The following ADAMTS1 variants were observed in gnomAD, a reference collection of about 807,000 sequenced individuals.
ADAMTS1 encodes ADAM metallopeptidase with thrombospondin type 1 motif 1.
Under a neutral mutation model 87.9 loss-of-function variants are expected in ADAMTS1, and 19 were observed. That is an observed-to-expected ratio of 0.22 (90% CI 0.15 to 0.32). ADAMTS1 has a LOEUF of 0.32. Among genes scored for constraint, ADAMTS1 ranks in the 10% least tolerant of loss-of-function variants. The pLI is 1.00. For missense variants in ADAMTS1, 1,240 were observed against 1,259.1 expected, an observed-to-expected ratio of 0.98 and a Z score of 0.23; for synonymous variants, 542 against 501.8, an observed-to-expected ratio of 1.08 and a Z score of -1.07.
Position 26,838,548 on chromosome 21 carries a change from C to A in ADAMTS1, c.2095G>T (p.Ala699Ser), listed in dbSNP as rs752505139. The A allele has an allele frequency of 6.2e-7, 1 of 1,614,196 alleles. No individual in the cohort carries two copies. ...GAGTCTATGATGCGATCACAACCAG[C>A]TTTTACACACTGTCCTTGCACACAG... ...SVCVQGQCVK[A>S]GCDRIIDSKK... The change falls in exon 8 of 9, where the codon GCT (alanine) becomes TCT (serine). Residue 699 changes from alanine (A) to serine (S), a missense_variant. By Grantham distance (99) the Ala-to-Ser change is moderately conservative (BLOSUM62 1). Transcript: ENST00000284984.
At position 26,837,104 on chromosome 21, in the gene ADAMTS1, A is replaced by G. The variant is rs1985380300; in HGVS notation, c.*475T>C. On this transcript the variant is annotated 3_prime_UTR_variant, in exon 9 of 9. Coordinates refer to ENST00000284984, the MANE Select transcript of ADAMTS1 (RefSeq NM_006988.5). ...CAGCCATAAACAGTGCTGGTCAAAGATCCTATTTGTACTCCTTTCTCCCCC... is the reference window on the plus strand; with the variant it reads ...CAGCCATAAACAGTGCTGGTCAAAGGTCCTATTTGTACTCCTTTCTCCCCC... 1 of 160,682 alleles carries G rather than the reference A, an allele frequency of 6.2e-6. No homozygotes were observed. The highest frequency in any genetic ancestry group is 1.7e-4 in the East Asian group (1 of 5,738). 10.0% of individuals were successfully genotyped at this position (160,682 alleles called of 1,614,324 possible).
intron 4 of ADAMTS1, 140 bp downstream of exon 4, chr21:26,840,858 C>T: frequency 9.3e-7 from 1 of 1,078,358 alleles, no homozygotes; most frequent in Non-Finnish European, 1.3e-6. Flanking sequence ...ATTAAGATCT[C>T]AACAGTTAGG....
intron 1 of ADAMTS1, chr21:26,843,903 T>G: frequency 2.0e-6 from 1 of 489,086 alleles, no homozygotes; most frequent in Admixed American, 2.7e-5. Flanking sequence ...TGGAAAGAAC[T>G]CGCACAAGCT....
Position 26,845,309 on chromosome 21 carries a change from T to A in ADAMTS1, c.-355A>T. The A allele has an allele frequency of 4.3e-6, 1 of 231,734 alleles. No homozygotes were observed. Among genetic ancestry groups the A allele is most frequent in the Non-Finnish European group, 8.3e-6 (1 of 119,996 alleles). The allele number at this position is 231,734 out of a possible 1,614,324, so 14.4% of individuals were successfully genotyped here. A position where few individuals can be genotyped will look rare whatever the true frequency, so the allele number is the denominator to read the frequency against. On this transcript the variant is annotated 5_prime_UTR_variant, in exon 1 of 9. Coordinates refer to ENST00000284984, the MANE Select transcript of ADAMTS1 (RefSeq NM_006988.5). ...GCCCCTCTTCGGCCTCCGCCTTGGC[T>A]GCGATGTTGCTCACTCTGCTCAGGG...
In ADAMTS1 at chr21:26,842,641, A is replaced by G. The variant is rs199724265; in HGVS notation, c.775T>C (p.Tyr259His). 4 of 1,613,960 alleles carry G rather than the reference A, an allele frequency of 2.5e-6. No homozygotes were observed. Among genetic ancestry groups the G allele is most frequent in the African/African-American group, 2.7e-5 (2 of 75,020 alleles). The change falls in exon 2 of 9, where the codon TAT becomes CAT. Residue 259 changes from tyrosine (Y) to histidine (H), a missense_variant. Tyr to His is a moderately conservative substitution (Grantham distance 83, BLOSUM62 2). Coordinates refer to ENST00000284984, the MANE Select transcript of ADAMTS1 (RefSeq NM_006988.5). The part of the protein sequence containing the change: ...RKKRFVSSHR[Y>H]VETMLVADQS... Reference sequence around the variant, plus strand: ...TCTGCCACAAGCATGGTTTCCACATAGCGGTGACTGGACACAAATCGCTTC... The same window carrying G: ...TCTGCCACAAGCATGGTTTCCACATGGCGGTGACTGGACACAAATCGCTTC...
In ADAMTS1 at chr21:26,835,936, A is replaced by G. The variant is rs1985355638; in HGVS notation, c.*1643T>C. ...AACAGCACAGTTGAGCAGTTGTGACATAGATGGTATTGACAGGATAGTTAT... is the reference window on the plus strand; with the variant it reads ...AACAGCACAGTTGAGCAGTTGTGACGTAGATGGTATTGACAGGATAGTTAT... On this transcript the variant is annotated 3_prime_UTR_variant, in exon 9 of 9. Coordinates refer to ENST00000284984, the MANE Select transcript of ADAMTS1 (RefSeq NM_006988.5). 1 of 152,236 alleles carries G rather than the reference A, an allele frequency of 6.6e-6. No individual in the cohort carries two copies. 9.4% of individuals were successfully genotyped at this position (152,236 alleles called of 1,614,324 possible).
At chr21:26,841,744 TA>T in intron 3 of ADAMTS1, 113 bp downstream of exon 3, 1 of 1,197,274 alleles carries the variant, frequency 8.4e-7, no homozygotes, top group Non-Finnish European at 1.1e-6. Context: ...CTATAGTTTC[TA>T]AGATGCACTA....
At chr21:26,842,053 T>C in intron 2 of ADAMTS1, 63 bp from the exon 3 acceptor site, 2 of 1,560,656 alleles carry the variant, frequency 1.3e-6, no homozygotes, top group South Asian at 1.2e-5. Flanking sequence ...ATCTAACTTT[T>C]TTGGCAGGGT....
rs1300473550 is a variant in ADAMTS1 at position 26,837,142 on chromosome 21, G to A, written c.*437C>T. On this transcript the variant is annotated 3_prime_UTR_variant, in exon 9 of 9. Coordinates refer to ENST00000284984, the MANE Select transcript of ADAMTS1 (RefSeq NM_006988.5). Reference sequence around the variant, plus strand: ...TCCTTTCTCCCCCCATTGTTAGTGAGGTAAAGTAAAACAGGTCTTAGTAAA... The same window carrying A: ...TCCTTTCTCCCCCCATTGTTAGTGAAGTAAAGTAAAACAGGTCTTAGTAAA... 1 of 165,790 alleles carries A rather than the reference G, an allele frequency of 6.0e-6. No individual in the cohort carries two copies. Among genetic ancestry groups the A allele is most frequent in the Non-Finnish European group, 1.3e-5 (1 of 75,066 alleles). 10.3% of individuals were successfully genotyped at this position (165,790 alleles called of 1,614,324 possible).
At position 26,835,992 on chromosome 21, in the gene ADAMTS1, C is replaced by T. The variant is rs978800763; in HGVS notation, c.*1587G>A. On this transcript the variant is annotated 3_prime_UTR_variant, in exon 9 of 9. Transcript: ENST00000284984. The stretch of plus-strand genomic sequence containing the variant: ...GGATTGACAAAGTTGCAAATATTTA[C>T]CATTTGGCTTTTTACAAAAGAAGTT... 6.6e-6 allele frequency: 1 copy of T among 152,174 alleles called. No homozygotes were observed. The highest frequency in any genetic ancestry group is 2.4e-5 in the African/African-American group (1 of 41,434). 9.4% of individuals were successfully genotyped at this position (152,174 alleles called of 1,614,324 possible). A position where few individuals can be genotyped will look rare whatever the true frequency, so the allele number is the denominator to read the frequency against.
chr21:26,840,484 C>T lies in ADAMTS1; in HGVS notation c.1457G>A (p.Arg486Gln), dbSNP rs758702908. Residue 486 changes from arginine to glutamine, a missense_variant, in exon 5 of 9, where the codon CGG (arginine) becomes CAG (glutamine). Physicochemically the swap from Arg to Gln is conservative, Grantham distance 43. Around this residue, in one of 3 missense-constraint regions of ADAMTS1, gnomAD observed 317 missense variants for 410.3 expected, o/e 0.77. Transcript: ENST00000284984. ...CTCCCCAAATGTAAACTGGCACTGC[C>T]GGTTGGCATCGTACGAGGTGCCAGG... is the stretch of plus-strand genomic sequence containing the variant. ...DLPGTSYDAN[R>Q]QCQFTFGEDS... 2.4e-5 allele frequency: 38 copies of T among 1,614,100 alleles called. No homozygotes were observed. Among genetic ancestry groups the T allele is most frequent in the Non-Finnish European group, 2.9e-5 (34 of 1,180,050 alleles).
At position 26,837,942 on chromosome 21, in the gene ADAMTS1, T is replaced by C. The variant is rs1179198543; in HGVS notation, c.2541A>G (p.Glu847=). Residue 847 remains glutamate, a synonymous_variant, in exon 9 of 9, where the codon GAA becomes GAG. Transcript: ENST00000284984. ...AAAAAGTGGGGATAGCATTGAAAGA[T>C]TCCTTCTTCTTCTTTACGAAGTAGG... ...KYTYFVKKKK[E]SFNAIPTFSA... 5.0e-6 allele frequency: 8 copies of C among 1,614,228 alleles called. No individual in the cohort carries two copies. The South Asian group carries it at 7.7e-5, about 16-fold the overall frequency.
chr21:26,842,525 G>T lies in ADAMTS1; in HGVS notation c.891C>A (p.Ser297Arg). 1 of 1,614,190 alleles carries T rather than the reference G, an allele frequency of 6.2e-7. No homozygotes were observed. The highest frequency in any genetic ancestry group is 8.5e-7 in the Non-Finnish European group (1 of 1,180,044). ...SVAARLYKHPSIRNSVSLVVV... is the reference protein window; with the variant it reads ...SVAARLYKHPRIRNSVSLVVV... ...CCACCAGGCTAACTGAATTACGAAT[G>T]CTGGGGTGTTTGTACAATCTGGCTG... Residue 297 changes from serine to arginine, a missense_variant, in exon 2 of 9, where the codon AGC (serine) becomes AGA (arginine). By Grantham distance (110) the Ser-to-Arg change is moderately radical (BLOSUM62 -1). Around this residue, in one of 3 missense-constraint regions of ADAMTS1, gnomAD observed 521 missense variants for 449.7 expected, o/e 1.16. Coordinates refer to ENST00000284984, the MANE Select transcript of ADAMTS1 (RefSeq NM_006988.5).
chr21:26,840,533 G>C lies in ADAMTS1; in HGVS notation c.1408C>G (p.Pro470Ala), dbSNP rs765216084. The C allele has an allele frequency of 6.2e-7, 1 of 1,614,154 alleles. No individual in the cohort carries two copies. The highest frequency in any genetic ancestry group is 2.2e-5 in the East Asian group (1 of 44,894). ...GGGAGATCGCCTGGGAGCTGTATGG[G>C]ATTCTGAGGCTTGTCCATCAAACAT... ...GECLMDKPQN[P>A]IQLPGDLPGT... The change falls in exon 5 of 9, where the codon CCC becomes GCC. Residue 470 changes from proline (P) to alanine (A), a missense_variant. Physicochemically the swap from Pro to Ala is conservative, Grantham distance 27 (BLOSUM62 -1). Around this residue, in one of 3 missense-constraint regions of ADAMTS1, gnomAD observed 317 missense variants for 410.3 expected, o/e 0.77. Coordinates refer to ENST00000284984, the MANE Select transcript of ADAMTS1 (RefSeq NM_006988.5).
Position 26,844,887 on chromosome 21 carries a change from C to A in ADAMTS1, c.68G>T (p.Arg23Leu). The change falls in exon 1 of 9, where the codon CGG becomes CTG. Residue 23 changes from arginine to leucine, a missense_variant. Around this residue, in one of 3 missense-constraint regions of ADAMTS1, gnomAD observed 521 missense variants for 449.7 expected, o/e 1.16. Transcript: ENST00000284984. ...KLGSDMGNAERAPGSRSFGPV... is the reference protein window; with the variant it reads ...KLGSDMGNAELAPGSRSFGPV... ...CCCAAAGCTCCGAGACCCCGGAGCCCGCTCCGCGTTCCCCATGTCGCTGCC... is the reference window on the plus strand; with the variant it reads ...CCCAAAGCTCCGAGACCCCGGAGCCAGCTCCGCGTTCCCCATGTCGCTGCC... The A allele has an allele frequency of 4.6e-6, 7 of 1,534,316 alleles. No individual in the cohort carries two copies. The highest frequency in any genetic ancestry group is 5.3e-6 in the Non-Finnish European group (6 of 1,141,738).
intron 4 of ADAMTS1, 89 bp from the exon 5 acceptor site, chr21:26,840,651 G>T: frequency 2.1e-6 from 3 of 1,414,406 alleles, no homozygotes; most frequent in Non-Finnish European, 2.9e-6. Context: ...TATCATATGA[G>T]AAAATAGACA....
rs746166537 is a variant in ADAMTS1 at position 26,837,813 on chromosome 21, G to A, written c.2670C>T (p.Ser890=). Reference sequence around the variant, plus strand: ...CTGGCTTCACTTCCTTTGCACACTCGGAAGCAGGCTGTCCATTAATGTCTC... The same window carrying A: ...CTGGCTTCACTTCCTTTGCACACTCAGAAGCAGGCTGTCCATTAATGTCTC... ...ECRDINGQPA[S]ECAKEVKPAS... Residue 890 remains serine, a synonymous_variant, in exon 9 of 9, where the codon TCC becomes TCT. Transcript: ENST00000284984. 39 of 1,614,026 alleles carry A rather than the reference G, an allele frequency of 2.4e-5. No homozygotes were observed. Among genetic ancestry groups the A allele is most frequent in the Admixed American group, 2.3e-4 (14 of 59,994 alleles).
chr21:26,844,653 G>T lies in ADAMTS1; in HGVS notation c.302C>A (p.Thr101Lys). ...GGATTTGCGCCCCACGTTCTGGAGC[G>T]TGAAGCCGGGCGCCAAAAAGCTGCT... ...PDSSFLAPGFTLQNVGRKSGS... is the reference protein window; with the variant it reads ...PDSSFLAPGFKLQNVGRKSGS... Residue 101 changes from threonine to lysine, a missense_variant, in exon 1 of 9, where the codon ACG becomes AAG. Thr to Lys is a moderately conservative substitution (Grantham distance 78, BLOSUM62 -1). Coordinates refer to ENST00000284984, the MANE Select transcript of ADAMTS1 (RefSeq NM_006988.5). 1 of 1,601,258 alleles carries T rather than the reference G, an allele frequency of 6.2e-7. No homozygotes were observed. The highest frequency in any genetic ancestry group is 1.1e-5 in the South Asian group (1 of 89,012).
rs1426688729 is a variant in ADAMTS1, at chr21:26,845,057, T to C, written c.-103A>G. 1 of 1,320,068 alleles carries C rather than the reference T, an allele frequency of 7.6e-7. No individual in the cohort carries two copies. The highest frequency in any genetic ancestry group is 9.7e-7 in the Non-Finnish European group (1 of 1,030,612). 81.8% of individuals were successfully genotyped at this position (1,320,068 alleles called of 1,614,324 possible). ...GTTGGCCTGCTCTGGATTGTTAAAA[T>C]TAACAATTTCTATTATTCGTTGGAA... is the stretch of plus-strand genomic sequence containing the variant. On this transcript the variant is annotated 5_prime_UTR_variant, in exon 1 of 9. Transcript: ENST00000284984.
Sources: allele counts gnomAD v4.1 joint callset, GRCh38; gene constraint gnomAD v4.1.1; regional missense constraint gnomAD v4.1.1; transcripts MANE v1.5; gene names NCBI Gene and HGNC (gene_info 2026-07-23, HGNC 2026-07-21).